Variants in CCDC3 observed in about 807,000 individuals in gnomAD.
CCDC3 encodes the protein coiled-coil domain-containing protein 3.
A neutral mutation model predicts 21.4 loss-of-function variants in CCDC3; 24 were observed. The ratio of observed to expected loss-of-function variants is 1.12; its 90% confidence interval spans 0.81 to 1.58. The LOEUF (loss-of-function observed/expected upper bound fraction) is 1.58. CCDC3 is among the 40% of genes most tolerant of loss of function. The pLI is 0.00. For missense variants in CCDC3, 425 were observed against 360.9 expected (o/e 1.18, Z -1.44); for synonymous variants, 186 against 166.0 (o/e 1.12, Z -0.93).
intron 5 of CCDC3, among the ~76,000 whole-genome samples, chr10:13,010,046 G>A (rs190245459): frequency 6.6e-5 from 10 of 152,212 alleles, no homozygotes; most frequent in East Asian, 1.9e-4. Context: ...TCAGGAGTTC[G>A]AGACCAGCCT....
intron 2 of CCDC3, among the ~76,000 whole-genome samples, chr10:12,960,450 C>T (rs1312702034): frequency 2.0e-5 from 3 of 152,082 alleles, no homozygotes; most frequent in Non-Finnish European, 2.9e-5. Flanking sequence ...ACCCTGGGTT[C>T]AAGGCTTATC....
chr10:12,942,616 C>A (rs71513345), intron 2 of CCDC3, among the ~76,000 whole-genome samples: 3 of 152,142 alleles, frequency 2.0e-5, no homozygotes, highest in Non-Finnish European at 4.4e-5. Context: ...AACATGGCAC[C>A]GGCCAGGTAG....
At chr10:12,987,353 C>T (rs923828585) in intron 2 of CCDC3, among the ~76,000 whole-genome samples, 1 of 152,248 alleles carries the variant, frequency 6.6e-6, no homozygotes, top group Non-Finnish European at 1.5e-5. Flanking sequence ...AAACGCCCAT[C>T]TGCCTGGAGA....
chr10:12,947,905 G>A (rs1834941587), intron 2 of CCDC3, among the ~76,000 whole-genome samples: 1 of 152,178 alleles, frequency 6.6e-6, no homozygotes, highest in African/African-American at 2.4e-5. Flanking sequence ...TCATAGATGG[G>A]AGAAACAGAG....
Position 12,903,798 on chromosome 10 carries a change from C to T in CCDC3, c.550-5119G>A, listed in dbSNP as rs544872215. Among the ~76,000 whole-genome samples, 35 of 152,322 alleles carry T rather than the reference C, an allele frequency of 2.3e-4. 1 individual carries two copies. The South Asian group carries it at 5.8e-3, about 25-fold the overall frequency. ...AAGTTAGGCTGGGATATCCATACTT[C>T]CTTATCTGTCTAAAATAACACTTTT... On this transcript the variant is annotated intron_variant, in intron 2 of 2. Coordinates refer to ENST00000378825, the MANE Select transcript of CCDC3 (RefSeq NM_031455.4).
At chr10:13,007,226 T>C (rs1372210294) in intron 5 of CCDC3, among the ~76,000 whole-genome samples, 5 of 152,178 alleles carry the variant, frequency 3.3e-5, no homozygotes, top group Non-Finnish European at 7.3e-5. Flanking sequence ...AGTTGGCAGG[T>C]GGCTGTGCAG....
chr10:13,067,204 G>A (rs1333763103), intron 4 of CCDC3, among the ~76,000 whole-genome samples: 1 of 152,226 alleles, frequency 6.6e-6, no homozygotes, highest in South Asian at 2.1e-4. Context: ...TCCCAGCCAG[G>A]GTTGGGGTGC....
rs77040011 is a variant in CCDC3, at chr10:13,026,540, C to T, written c.-2+23134G>A. Among the ~76,000 whole-genome samples, 458 of 152,210 alleles carry T rather than the reference C, an allele frequency of 3.0e-3. 3 individuals are homozygous for T. The highest frequency in any genetic ancestry group is 0.01 in the African/African-American group (433 of 41,516). On this transcript the variant is annotated intron_variant, in intron 5 of 6. Coordinates refer to the CCDC3 transcript ENST00000378839. ...GTGCTTCATGTTTTATAACACTGCA[C>T]GGTCTGCACTTAGCATTCAATACCT...
intron 5 of CCDC3, among the ~76,000 whole-genome samples, chr10:13,044,080 G>GT (rs1564330903): frequency 3.9e-5 from 6 of 152,116 alleles, no homozygotes; most frequent in African/African-American, 1.4e-4. Context: ...TCTCATTGTA[G>GT]TTTTGATTTG....
At chr10:13,046,703 G>A (rs577586788) in intron 5 of CCDC3, among the ~76,000 whole-genome samples, 101 of 38,138 alleles carry the variant, frequency 2.6e-3, no homozygotes, top group African/African-American at 7.6e-3. Context: ...GCGAAACTCC[G>A]TCTCAAAAAA....
In CCDC3 at chr10:12,898,729, C is replaced by T. The variant is rs1422914982; in HGVS notation, c.550-50G>A. On this transcript the variant is annotated intron_variant, in intron 2 of 2. Transcript: ENST00000378825. Reference sequence around the variant, plus strand: ...GAGAGGAGGTGAGTCCCAGAAACTGCGCTGCGGCCAGGGGAGTCCCAGAAG... The same window carrying T: ...GAGAGGAGGTGAGTCCCAGAAACTGTGCTGCGGCCAGGGGAGTCCCAGAAG... 5 of 1,592,894 alleles carry T rather than the reference C, an allele frequency of 3.1e-6. No homozygotes were observed. The East Asian group carries it at 6.8e-5, about 22-fold the overall frequency.
chr10:12,986,258 T>C (rs1221879199), intron 2 of CCDC3, among the ~76,000 whole-genome samples: 4 of 152,232 alleles, frequency 2.6e-5, no homozygotes, highest in Non-Finnish European at 5.9e-5. Context: ...GTTTTACACA[T>C]GTACACAAAT....
intron 3 of CCDC3, among the ~76,000 whole-genome samples, chr10:13,093,141 T>C (rs891619385): frequency 1.3e-5 from 2 of 151,826 alleles, no homozygotes; most frequent in South Asian, 4.2e-4. Flanking sequence ...CTGATAAAGA[T>C]ATACCTGATA....
chr10:12,983,809 A>G (rs941651807), intron 2 of CCDC3, among the ~76,000 whole-genome samples: 2 of 151,894 alleles, frequency 1.3e-5, no homozygotes, highest in African/African-American at 4.8e-5. Context: ...GCTGGGCGCA[A>G]TGACTCATGC....
At chr10:13,056,377 A>T (rs1236136325) in intron 4 of CCDC3, among the ~76,000 whole-genome samples, 1 of 152,190 alleles carries the variant, frequency 6.6e-6, no homozygotes, top group African/African-American at 2.4e-5. Context: ...ACTCTGTTGG[A>T]AACTGAGAAA....
chr10:12,953,276 C>A (rs374411648), intron 2 of CCDC3, among the ~76,000 whole-genome samples: 4 of 152,046 alleles, frequency 2.6e-5, no homozygotes, highest in Non-Finnish European at 2.9e-5. Flanking sequence ...GAAAACAGCA[C>A]GGGAAAGACC....
intron 2 of CCDC3, among the ~76,000 whole-genome samples, chr10:12,901,953 C>G (rs1263003448): frequency 6.6e-6 from 1 of 152,200 alleles, no homozygotes; most frequent in Non-Finnish European, 1.5e-5. Flanking sequence ...ATCTTGGAAG[C>G]CCTCTGTGGT....
chr10:13,033,422 T>C (rs1339529026), intron 5 of CCDC3, among the ~76,000 whole-genome samples: 2 of 152,218 alleles, frequency 1.3e-5, no homozygotes, highest in African/African-American at 4.8e-5. Context: ...ATTCAGGACA[T>C]AGGCATGGGC....
chr10:13,098,810 G>T (rs933303242), intron 2 of CCDC3, among the ~76,000 whole-genome samples: 1 of 140,774 alleles, frequency 7.1e-6, no homozygotes, highest in African/African-American at 2.7e-5. Context: ...TCTGCCTCCC[G>T]GGTTCAAGCG....
Sources: allele counts gnomAD v4.1 joint callset (sites outside exome capture counted in the v4.1 genomes callset), GRCh38; gene constraint gnomAD v4.1.1; transcripts MANE v1.5; gene names NCBI Gene and HGNC (gene_info 2026-07-23, HGNC 2026-07-21).